MAP7: variants seen among roughly 807,000 people sequenced by gnomAD.
MAP7 encodes the protein microtubule associated protein 7.
In MAP7, 52 loss-of-function variants were observed where a neutral mutation model predicts 94.8. The ratio of observed to expected loss-of-function variants is 0.55; its 90% CI spans 0.44 to 0.69. The LOEUF is 0.69. MAP7 is among the 30% of genes least tolerant of loss of function. The pLI is 0.00. For missense variants in MAP7, 940 were observed against 964.6 expected (o/e 0.97, Z 0.34); for synonymous variants, 350 against 357.0 (o/e 0.98, Z 0.22).
chr6:136,404,925 C>T (rs1025688028), intron 3 of MAP7, among the ~76,000 whole-genome samples: 44 of 152,188 alleles, frequency 2.9e-4, no homozygotes, highest in African/African-American at 1.0e-3. Context: ...TAAGGCATAT[C>T]CTAATAGATT....
At chr6:136,479,965 T>C (rs558262335) in intron 1 of MAP7, among the ~76,000 whole-genome samples, 1 of 152,178 alleles carries the variant, frequency 6.6e-6, no homozygotes, top group East Asian at 1.9e-4. Context: ...AAAATACCAA[T>C]GACATTCTTC....
At chr6:136,351,860 C>T (rs938770484) in intron 16 of MAP7, among the ~76,000 whole-genome samples, 16 of 152,162 alleles carry the variant, frequency 1.1e-4, no homozygotes, top group Admixed American at 3.3e-4. Flanking sequence ...TGTGTGCTTG[C>T]TCAGCAGGCT....
chr6:136,538,034 G>A (rs978803941), intron 1 of MAP7, among the ~76,000 whole-genome samples: 1 of 152,076 alleles, frequency 6.6e-6, no homozygotes, highest in African/African-American at 2.4e-5. Flanking sequence ...AGCCGGCCTC[G>A]GCCTCCCAAA....
At chr6:136,525,924 T>C in intron 1 of MAP7, 1 of 1,535,616 alleles carries the variant, frequency 6.5e-7, no homozygotes, top group South Asian at 1.2e-5. Flanking sequence ...ATTGGTCTTC[T>C]TCAGTCTCTC....
At chr6:136,525,024 C>CT (rs1444728324) in intron 1 of MAP7, among the ~76,000 whole-genome samples, 1 of 152,158 alleles carries the variant, frequency 6.6e-6, no homozygotes, top group Non-Finnish European at 1.5e-5. Context: ...CTTAAAGCTC[C>CT]TTTTTCAAAA....
intron 3 of MAP7, among the ~76,000 whole-genome samples, chr6:136,402,852 G>C (rs1263103280): frequency 2.3e-5 from 3 of 131,380 alleles, no homozygotes; most frequent in South Asian, 2.5e-4. Context: ...CTTGCAGTGA[G>C]CCGAGATAGC....
intron 2 of MAP7, among the ~76,000 whole-genome samples, chr6:136,413,234 T>C (rs1243370921): frequency 6.6e-6 from 1 of 151,870 alleles, no homozygotes; most frequent in Non-Finnish European, 1.5e-5. Flanking sequence ...ACTATAATAA[T>C]ACAGTAGAGA....
rs1786960512 is a variant in MAP7, at chr6:136,343,548, A to G, written c.*680T>C. On this transcript the variant is annotated 3_prime_UTR_variant, in exon 18 of 18. Coordinates refer to ENST00000354570, the MANE Select transcript of MAP7 (RefSeq NM_003980.6). ...TAGTTTATCTGGAAAAACTTTATAAATACATTATGTAAGAGGGCAGTAAAT... is the reference window on the plus strand; with the variant it reads ...TAGTTTATCTGGAAAAACTTTATAAGTACATTATGTAAGAGGGCAGTAAAT... 1 of 152,640 alleles carries G rather than the reference A, an allele frequency of 6.6e-6. No homozygotes were observed. Among genetic ancestry groups the G allele is most frequent in the Non-Finnish European group, 1.5e-5 (1 of 68,038 alleles). The allele number at this position is 152,640 out of a possible 1,614,324, so 9.5% of individuals were successfully genotyped here. A position where few individuals can be genotyped will look rare whatever the true frequency, so the allele number is the denominator to read the frequency against.
At chr6:136,434,807 G>A (rs992579037) in intron 1 of MAP7, among the ~76,000 whole-genome samples, 1 of 152,194 alleles carries the variant, frequency 6.6e-6, no homozygotes, top group Non-Finnish European at 1.5e-5. Flanking sequence ...GGCACAAAGT[G>A]TGCTATGTGG....
At position 136,420,589 on chromosome 6, in the gene MAP7, T is replaced by A. The variant is rs1353159422; in HGVS notation, c.166+1112A>T. Among the ~76,000 whole-genome samples, 6 of 152,200 alleles carry A rather than the reference T, an allele frequency of 3.9e-5. No individual in the cohort carries two copies. The East Asian group carries it at 1.2e-3, about 29-fold the overall frequency. On this transcript the variant is annotated intron_variant, in intron 2 of 17. Transcript: ENST00000354570. The stretch of plus-strand genomic sequence containing the variant: ...CGGCATAGAAGAACTCAGTAAACAT[T>A]AGATGGTAGCTGGAAGGTGGATGGC...
Position 136,448,464 on chromosome 6 carries a change from G to A in MAP7, c.68-26665C>T, listed in dbSNP as rs564934252. 7.9e-5 allele frequency among the ~76,000 whole-genome samples: 12 copies of A among 151,300 alleles called. No individual in the cohort carries two copies. In the South Asian group the frequency reaches 2.5e-3, roughly 32 times the overall value. On this transcript the variant is annotated intron_variant, in intron 1 of 17. Transcript: ENST00000354570. ...GTTTTTGCTCTTATCGTCCAGGCTGGAGTGCAGTGGCGCAATCTCAGCTCA... is the reference window on the plus strand; with the variant it reads ...GTTTTTGCTCTTATCGTCCAGGCTGAAGTGCAGTGGCGCAATCTCAGCTCA...
intron 16 of MAP7, among the ~76,000 whole-genome samples, chr6:136,354,575 C>G (rs1790327651): frequency 6.6e-6 from 1 of 151,162 alleles, no homozygotes; most frequent in East Asian, 1.9e-4. Flanking sequence ...ATGTTTATGT[C>G]TGATGCTCAT....
intron 1 of MAP7, among the ~76,000 whole-genome samples, chr6:136,485,378 G>C (rs1436544055): frequency 6.6e-6 from 1 of 151,944 alleles, no homozygotes; most frequent in African/African-American, 2.4e-5. Flanking sequence ...ATATTGTTTC[G>C]ACACGACATT....
chr6:136,493,092 G>GTT (rs200262132), intron 1 of MAP7, among the ~76,000 whole-genome samples: 1 of 127,142 alleles, frequency 7.9e-6, no homozygotes, highest in Non-Finnish European at 1.7e-5. Flanking sequence ...TGTCTTCCCA[G>GTT]TTTTTTTTTT....
intron 1 of MAP7, among the ~76,000 whole-genome samples, chr6:136,494,438 A>G (rs1340838048): frequency 1.3e-5 from 2 of 152,158 alleles, no homozygotes; most frequent in Admixed American, 1.3e-4. Flanking sequence ...CTGGGGAGAA[A>G]TCTCTGACTA....
chr6:136,479,498 T>C (rs1310949349), intron 1 of MAP7, among the ~76,000 whole-genome samples: 2 of 152,168 alleles, frequency 1.3e-5, no homozygotes, highest in African/African-American at 4.8e-5. Flanking sequence ...GTACTGGAAA[T>C]CCTAGCTAGA....
chr6:136,348,548 G>A (rs974675367), intron 16 of MAP7, among the ~76,000 whole-genome samples: 1 of 152,172 alleles, frequency 6.6e-6, no homozygotes, highest in Non-Finnish European at 1.5e-5. Flanking sequence ...GAAGACTGAT[G>A]TAAGACTTTT....
At chr6:136,396,492 T>C (rs1782535414) in intron 3 of MAP7, among the ~76,000 whole-genome samples, 1 of 152,190 alleles carries the variant, frequency 6.6e-6, no homozygotes, top group East Asian at 1.9e-4. Flanking sequence ...GACCATGTTG[T>C]CTGCAAGCAG....
chr6:136,388,661 T>C (rs901537540), intron 4 of MAP7, 151 bp from the exon 5 acceptor site: 2 of 616,398 alleles, frequency 3.2e-6, no homozygotes, highest in South Asian at 4.3e-5. Context: ...AAGGTGAGAC[T>C]AGTGTCAATC....
Sources: gnomAD v4.1 joint callset for allele counts (sites outside exome capture counted in the v4.1 genomes callset) on GRCh38, gnomAD v4.1.1 for gene constraint, MANE v1.5 for transcripts, NCBI Gene and HGNC (gene_info 2026-07-23, HGNC 2026-07-21) for gene names.